KIF13B: variants seen among roughly 807,000 people sequenced by gnomAD.
KIF13B encodes kinesin family member 13B, also known as kinesin-like protein KIF13B.
KIF13B carries 127 observed loss-of-function variants against 222.0 expected under a neutral mutation model. The ratio of observed to expected loss-of-function variants is 0.57; its 90% CI spans 0.50 to 0.66. KIF13B has a LOEUF of 0.66. Ranked by LOEUF, KIF13B falls within the 30% of genes least tolerant of loss-of-function variation. KIF13B has a pLI of 0.00. For missense variants in KIF13B, 2,173 were observed against 2,379.0 expected, an observed-to-expected ratio of 0.91 and a Z score of 1.80; for synonymous variants, 976 against 919.0, an observed-to-expected ratio of 1.06 and a Z score of -1.12.
chr8:29,225,203 T>C (rs540500571), intron 2 of KIF13B, among the ~76,000 whole-genome samples: 1 of 152,178 alleles, frequency 6.6e-6, no homozygotes, highest in Non-Finnish European at 1.5e-5. Flanking sequence ...GGGCCACATG[T>C]GGAGGACGGG....
intron 2 of KIF13B, among the ~76,000 whole-genome samples, chr8:29,203,086 C>G (rs1470895313): frequency 6.6e-6 from 1 of 152,204 alleles, no homozygotes; most frequent in Non-Finnish European, 1.5e-5. Context: ...ATAGAATAAA[C>G]TTTTACATGT....
chr8:29,250,135 C>CA, intron 1 of KIF13B: 1 of 911,760 alleles, frequency 1.1e-6, no homozygotes, highest in Non-Finnish European at 1.6e-6. Flanking sequence ...TACTGTGACT[C>CA]ACCACCCACC....
chr8:29,161,546 A>G (rs1257498895), intron 12 of KIF13B, among the ~76,000 whole-genome samples: 3 of 152,026 alleles, frequency 2.0e-5, no homozygotes, highest in Non-Finnish European at 4.4e-5. Flanking sequence ...AAATATAAAA[A>G]TTAGCCAGCT....
chr8:29,248,211 C>G (rs144189295), intron 1 of KIF13B, among the ~76,000 whole-genome samples: 9 of 152,254 alleles, frequency 5.9e-5, no homozygotes, highest in African/African-American at 2.2e-4. Flanking sequence ...CCCATGAGAA[C>G]ACAAAACTTG....
At chr8:29,187,817 C>T (rs1813007688) in intron 5 of KIF13B, among the ~76,000 whole-genome samples, 1 of 152,116 alleles carries the variant, frequency 6.6e-6, no homozygotes, top group African/African-American at 2.4e-5. Context: ...AAAAAGTTTG[C>T]ACATGGGAAC....
chr8:29,148,462 T>C (rs1340104256), intron 16 of KIF13B, 115 bp downstream of exon 16: 8 of 598,366 alleles, frequency 1.3e-5, no homozygotes, highest in African/African-American at 1.9e-5. Flanking sequence ...GCAGTGGTTA[T>C]TCACGGGCAC....
chr8:29,110,082 A>G lies in KIF13B; in HGVS notation c.3931-12T>C, dbSNP rs573893616. On this transcript the variant is annotated splice_polypyrimidine_tract_variant and intron_variant, in intron 32 of 39. Transcript: ENST00000524189. ...ACTCCCTGGGCATCCTGAGCAGTGG[A>G]AAGTTATACATTATAAAAGCTTCTT... is the stretch of plus-strand genomic sequence containing the variant. The G allele has an allele frequency of 1.9e-6, 3 of 1,552,166 alleles. No individual in the cohort carries two copies. The highest frequency in any genetic ancestry group is 2.6e-6 in the Non-Finnish European group (3 of 1,147,140).
At chr8:29,262,733 G>A (rs1816728295) in intron 1 of KIF13B, among the ~76,000 whole-genome samples, 1 of 151,386 alleles carries the variant, frequency 6.6e-6, no homozygotes, top group African/African-American at 2.4e-5. Flanking sequence ...CAGGCGGAAG[G>A]GGCAGCGGGG....
chr8:29,086,782 A>T (rs576922386), intron 37 of KIF13B, among the ~76,000 whole-genome samples: 2 of 152,334 alleles, frequency 1.3e-5, no homozygotes, highest in South Asian at 4.1e-4. Context: ...CCTTTTAGGC[A>T]TATGAATGGG....
chr8:29,262,876 G>T, intron 1 of KIF13B, 104 bp downstream of exon 1: 2 of 894,668 alleles, frequency 2.2e-6, no homozygotes, highest in Non-Finnish European at 3.2e-6. Flanking sequence ...CCCCGCCGCT[G>T]ACTATAGGGG....
intron 30 of KIF13B, among the ~76,000 whole-genome samples, 197 bp downstream of exon 30, chr8:29,118,671 G>C (rs1315927202): frequency 3.3e-5 from 5 of 152,148 alleles, no homozygotes; most frequent in Admixed American, 3.3e-4. Context: ...CAAGTTACCA[G>C]GAAAGGAAGG....
chr8:29,195,692 C>T (rs141518626), intron 3 of KIF13B, among the ~76,000 whole-genome samples: 44 of 152,264 alleles, frequency 2.9e-4, no homozygotes, highest in South Asian at 2.1e-4. Context: ...TCCCTTGAGG[C>T]GGCTGTGGCT....
At chr8:29,118,721 C>T in intron 30 of KIF13B, 147 bp downstream of exon 30, 1 of 769,830 alleles carries the variant, frequency 1.3e-6, no homozygotes. Flanking sequence ...AAGCTCCATT[C>T]TTCTGGAAGT....
intron 1 of KIF13B, among the ~76,000 whole-genome samples, chr8:29,247,546 A>T (rs1335661235): frequency 6.6e-6 from 1 of 152,188 alleles, no homozygotes; most frequent in African/African-American, 2.4e-5. Flanking sequence ...AAAGACAAAT[A>T]GGCCAGGTGC....
intron 31 of KIF13B, 28 bp downstream of exon 31, chr8:29,116,803 A>G (rs748927156): frequency 6.3e-7 from 1 of 1,577,464 alleles, no homozygotes; most frequent in Non-Finnish European, 8.7e-7. Context: ...AACTGTGGTT[A>G]GAGTCGTTTC....
intron 2 of KIF13B, among the ~76,000 whole-genome samples, chr8:29,233,988 T>A (rs1397420041): frequency 6.6e-6 from 1 of 152,250 alleles, no homozygotes; most frequent in African/African-American, 2.4e-5. Flanking sequence ...TGTATTAATT[T>A]GAACACTACA....
At chr8:29,153,942 T>C (rs1446379199) in intron 14 of KIF13B, among the ~76,000 whole-genome samples, 1 of 152,234 alleles carries the variant, frequency 6.6e-6, no homozygotes, top group East Asian at 1.9e-4. Context: ...ATTCGTGATT[T>C]ATGTGTATGC....
At chr8:29,176,772 G>A (rs1200409906) in intron 9 of KIF13B, among the ~76,000 whole-genome samples, 1 of 151,884 alleles carries the variant, frequency 6.6e-6, no homozygotes, top group African/African-American at 2.4e-5. Context: ...CAGCAATAGG[G>A]CCACTGCTGA....
At chr8:29,215,164 T>C (rs1814416897) in intron 2 of KIF13B, among the ~76,000 whole-genome samples, 1 of 151,988 alleles carries the variant, frequency 6.6e-6, no homozygotes, top group East Asian at 1.9e-4. Flanking sequence ...TAGGCTAACA[T>C]CCTGGAGGAA....
Sources: gnomAD v4.1 joint callset for allele counts (sites outside exome capture counted in the v4.1 genomes callset) on GRCh38, gnomAD v4.1.1 for gene constraint, MANE v1.5 for transcripts, NCBI Gene and HGNC (gene_info 2026-07-23, HGNC 2026-07-21) for gene names.